ERBIN: variants seen among roughly 807,000 people sequenced by gnomAD.
ERBIN encodes erbb2 interacting protein, also known as densin-180-like protein.
ERBIN carries 60 observed loss-of-function variants against 158.4 expected under a neutral mutation model. The observed-to-expected ratio is 0.38, with a 90% CI of 0.31 to 0.47. The LOEUF is 0.47. Ranked by LOEUF, ERBIN falls within the 20% of genes least tolerant of loss-of-function variation. ERBIN has a pLI of 0.99. For synonymous variants in ERBIN, 594 were observed against 557.2 expected (o/e 1.07, Z -0.93); for missense variants, 1,610 against 1,648.0 (o/e 0.98, Z 0.40).
At chr5:66,021,419 C>G in intron 8 of ERBIN, 34 bp downstream of exon 8, 1 of 1,412,084 alleles carries the variant, frequency 7.1e-7, no homozygotes. Flanking sequence ...TCCCTAAGTT[C>G]TTATATTTAA....
chr5:65,935,594 A>AT (rs1743979138), intron 1 of ERBIN, among the ~76,000 whole-genome samples: 1 of 152,194 alleles, frequency 6.6e-6, no homozygotes, highest in Non-Finnish European at 1.5e-5. Context: ...TTCCTTAGTA[A>AT]TTCTTGAGGC....
intron 1 of ERBIN, among the ~76,000 whole-genome samples, chr5:65,962,369 A>G (rs775408188): frequency 2.0e-5 from 3 of 152,212 alleles, no homozygotes; most frequent in Non-Finnish European, 4.4e-5. Context: ...ATAAGGCTTC[A>G]TAGTTTAAAA....
rs1037270545 is a variant in ERBIN at position 66,024,371 on chromosome 5, A to C, written c.738A>C (p.Glu246Asp). 16 of 1,601,498 alleles carry C rather than the reference A, an allele frequency of 1.0e-5. No individual in the cohort carries two copies. The highest frequency in any genetic ancestry group is 1.4e-5 in the Non-Finnish European group (16 of 1,172,476). Residue 246 changes from glutamate (E) to aspartate (D), a missense_variant, in exon 10 of 26, where the codon GAA becomes GAC. Physicochemically the swap from Glu to Asp is conservative, Grantham distance 45. This residue lies in a region of ERBIN where 596 missense variants were observed against 711.9 expected (regional missense o/e 0.84). Transcript: ENST00000284037. ...DVSKNNIEMV[E>D]EGISTCENLQ... ...CTAAAAATAATATTGAAATGGTTGA[A>C]GAAGGAATTTCAACATGTGAAAACC...
intron 1 of ERBIN, among the ~76,000 whole-genome samples, chr5:65,969,042 A>G: frequency 6.6e-6 from 1 of 152,202 alleles, no homozygotes; most frequent in East Asian, 1.9e-4. Flanking sequence ...AAGGGCATAT[A>G]AGTGAATGAG....
chr5:66,076,609 T>C lies in ERBIN; in HGVS notation c.4056+201T>C. 9.9e-6 allele frequency: 6 copies of C among 603,218 alleles called. No individual in the cohort carries two copies. The South Asian group carries it at 1.3e-4, about 13-fold the overall frequency. 37.4% of individuals were successfully genotyped at this position (603,218 alleles called of 1,614,324 possible). Reference sequence around the variant, plus strand: ...AATTTAACCAAAAACTATGAATGTTTATGATATAATGAAATGATTTTTAAC... The same window carrying C: ...AATTTAACCAAAAACTATGAATGTTCATGATATAATGAAATGATTTTTAAC... On this transcript the variant is annotated intron_variant, in intron 24 of 25. Coordinates refer to ENST00000284037, the MANE Select transcript of ERBIN (RefSeq NM_001253697.2).
chr5:66,054,513 T>A lies in ERBIN; in HGVS notation c.3195T>A (p.Leu1065=). 6.2e-7 allele frequency: 1 copy of A among 1,614,172 alleles called. No individual in the cohort carries two copies. The highest frequency in any genetic ancestry group is 1.1e-5 in the South Asian group (1 of 91,080). ...EMWAISPNDR[L]IPAVTRSTIQ... is the part of the protein sequence containing the mutation. Reference sequence around the variant, plus strand: ...GGGCCATCTCACCAAACGACCGACTTATTCCTGCAGTAACTCGAAGTACAA... The same window carrying A: ...GGGCCATCTCACCAAACGACCGACTAATTCCTGCAGTAACTCGAAGTACAA... The change falls in exon 21 of 26, where the codon CTT becomes CTA. Residue 1065 remains leucine, a synonymous_variant. Transcript: ENST00000284037.
intron 1 of ERBIN, among the ~76,000 whole-genome samples, chr5:65,931,645 T>G (rs1437732655): frequency 1.3e-5 from 2 of 152,182 alleles, no homozygotes; most frequent in African/African-American, 4.8e-5. Flanking sequence ...TGGCAATGTT[T>G]TATATTTTTG....
chr5:66,046,620 T>C lies in ERBIN; in HGVS notation c.1788+82T>C, dbSNP rs561046053. On this transcript the variant is annotated intron_variant, in intron 18 of 25. Coordinates refer to ENST00000284037, the MANE Select transcript of ERBIN (RefSeq NM_001253697.2). ...TTGTTGCTAAATAAAGACCTGATAC[T>C]GATTGTAGAAAATATGTTAATGCAT... is the stretch of plus-strand genomic sequence containing the variant. The C allele has an allele frequency of 3.0e-4, 352 of 1,154,498 alleles. 1 individual carries two copies. Among genetic ancestry groups the C allele is most frequent in the Admixed American group, 6.6e-4 (27 of 40,614 alleles). 71.5% of individuals were successfully genotyped at this position (1,154,498 alleles called of 1,614,324 possible). A position where few individuals can be genotyped will look rare whatever the true frequency, so the allele number is the denominator to read the frequency against.
intron 21 of ERBIN, among the ~76,000 whole-genome samples, chr5:66,058,981 C>CT (rs1311576720): frequency 1.4e-4 from 22 of 152,088 alleles, no homozygotes; most frequent in Admixed American, 1.4e-3. Context: ...ATGCCTCCAG[C>CT]TTTGTTTTTT....
At chr5:66,047,945 A>T (rs1758609301) in intron 18 of ERBIN, among the ~76,000 whole-genome samples, 1 of 151,978 alleles carries the variant, frequency 6.6e-6, no homozygotes, top group Non-Finnish European at 1.5e-5. Context: ...AATTAAGGAT[A>T]GACTGTGCTA....
intron 14 of ERBIN, among the ~76,000 whole-genome samples, chr5:66,037,979 C>A (rs10070302): frequency 0.06 from 9,166 of 152,070 alleles, 975 homozygotes; most frequent in African/African-American, 0.21. Context: ...AACTGTTCCA[C>A]ATTTTTTCCA....
chr5:65,992,125 G>GAGTACTAAGAAGC, intron 2 of ERBIN, among the ~76,000 whole-genome samples: 1 of 152,198 alleles, frequency 6.6e-6, no homozygotes, highest in East Asian at 1.9e-4. Context: ...TTTTCTTGTT[G>GAGTACTAAGAAGC]AGTACTAAGA....
At chr5:66,007,973 C>T (rs1295732773) in intron 4 of ERBIN, among the ~76,000 whole-genome samples, 2 of 152,094 alleles carry the variant, frequency 1.3e-5, no homozygotes, top group Non-Finnish European at 2.9e-5. Context: ...AAGTAGAAAA[C>T]CAGTGTTTCA....
chr5:65,967,327 C>T (rs1295338523), intron 1 of ERBIN, among the ~76,000 whole-genome samples: 1 of 152,152 alleles, frequency 6.6e-6, no homozygotes, highest in East Asian at 1.9e-4. Flanking sequence ...CACATTCACT[C>T]ACTACTCACT....
intron 3 of ERBIN, among the ~76,000 whole-genome samples, chr5:65,993,702 G>C (rs1192729143): frequency 6.6e-6 from 1 of 152,080 alleles, no homozygotes. Flanking sequence ...AATCAATTCA[G>C]TATGTGTGGG....
intron 1 of ERBIN, among the ~76,000 whole-genome samples, chr5:65,946,497 A>G (rs1391691390): frequency 6.6e-6 from 1 of 152,226 alleles, no homozygotes; most frequent in Non-Finnish European, 1.5e-5. Context: ...GTAGTACTCC[A>G]TGGCATCCAT....
intron 14 of ERBIN, among the ~76,000 whole-genome samples, chr5:66,034,936 A>G (rs1757247641): frequency 6.6e-6 from 1 of 152,104 alleles, no homozygotes; most frequent in African/African-American, 2.4e-5. Flanking sequence ...GACAGGAGTA[A>G]ATGGTGGGAA....
chr5:66,004,808 T>G (rs1753409256), intron 4 of ERBIN, among the ~76,000 whole-genome samples: 1 of 152,140 alleles, frequency 6.6e-6, no homozygotes, highest in Non-Finnish European at 1.5e-5. Flanking sequence ...TGTGAATAAC[T>G]AAGGTAAGGA....
chr5:65,990,909 C>A (rs1192838673), intron 2 of ERBIN, among the ~76,000 whole-genome samples: 6 of 151,756 alleles, frequency 4.0e-5, no homozygotes, highest in African/African-American at 1.5e-4. Context: ...TACAGGCACC[C>A]GCCACCACGC....
Sources: gnomAD v4.1 joint callset for allele counts (sites outside exome capture counted in the v4.1 genomes callset) on GRCh38, gnomAD v4.1.1 for gene constraint, gnomAD v4.1.1 regional missense constraint, MANE v1.5 for transcripts, NCBI Gene and HGNC (gene_info 2026-07-23, HGNC 2026-07-21) for gene names.